TRIM44: variants seen among roughly 807,000 people sequenced by gnomAD.
TRIM44 encodes the protein tripartite motif-containing protein 44.
A neutral mutation model predicts 37.4 loss-of-function variants in TRIM44; 13 were observed. The ratio of observed to expected loss-of-function variants is 0.35; its 90% confidence interval spans 0.23 to 0.55. The LOEUF (loss-of-function observed/expected upper bound fraction) is 0.55. Ranked by LOEUF, TRIM44 falls within the 20% of genes least tolerant of loss-of-function variation. The pLI is 0.89. For missense variants in TRIM44, 426 were observed against 437.2 expected, an observed-to-expected ratio of 0.97 and a Z score of 0.23; for synonymous variants, 175 against 157.2, an observed-to-expected ratio of 1.11 and a Z score of -0.85.
intron 4 of TRIM44, among the ~76,000 whole-genome samples, chr11:35,800,286 G>T (rs1853348638): frequency 6.6e-6 from 1 of 152,194 alleles, no homozygotes; most frequent in African/African-American, 2.4e-5. Context: ...CGAGCAGCAA[G>T]ATTTATTATG....
intron 2 of TRIM44, among the ~76,000 whole-genome samples, chr11:35,691,657 A>G (rs548935872): frequency 1.3e-4 from 19 of 151,872 alleles, no homozygotes; most frequent in Non-Finnish European, 2.4e-4. Context: ...TTATTTGTCT[A>G]TTTTTGAGAC....
chr11:35,682,017 G>A (rs1851526094), intron 1 of TRIM44, among the ~76,000 whole-genome samples: 1 of 146,758 alleles, frequency 6.8e-6, no homozygotes, highest in Non-Finnish European at 1.5e-5. Context: ...GGAGTGCAGT[G>A]GAGTGATCTT....
intron 3 of TRIM44, 96 bp from the exon 4 acceptor site, chr11:35,735,330 C>A: frequency 1.8e-6 from 2 of 1,127,712 alleles, no homozygotes; most frequent in Non-Finnish European, 2.7e-6. Context: ...ATAGTCCATG[C>A]ATTCAGGTTG....
intron 2 of TRIM44, among the ~76,000 whole-genome samples, chr11:35,717,390 C>CT (rs985611877): frequency 3.3e-5 from 5 of 151,168 alleles, no homozygotes; most frequent in East Asian, 1.9e-4. Context: ...TTGTATGTTA[C>CT]TTTTTTTTTA....
intron 2 of TRIM44, among the ~76,000 whole-genome samples, chr11:35,699,936 A>G (rs1851761793): frequency 6.6e-6 from 1 of 152,170 alleles, no homozygotes; most frequent in Non-Finnish European, 1.5e-5. Flanking sequence ...ACCACTGCTC[A>G]GTGAAATAAA....
rs1289995369 is a variant in TRIM44 at position 35,808,433 on chromosome 11, G to C, written c.*2048G>C. 6.6e-6 allele frequency: 1 copy of C among 152,102 alleles called. No individual in the cohort carries two copies. Among genetic ancestry groups the C allele is most frequent in the African/African-American group, 2.4e-5 (1 of 41,420 alleles). 9.4% of individuals were successfully genotyped at this position (152,102 alleles called of 1,614,324 possible). A position where few individuals can be genotyped will look rare whatever the true frequency, so the allele number is the denominator to read the frequency against. ...AAAAGATTTTAGGATTTGGAAGCTT[G>C]TATTGTCTTTCCCCAATAATCATTG... On this transcript the variant is annotated 3_prime_UTR_variant, in exon 5 of 5. Transcript: ENST00000299413.
At position 35,692,881 on chromosome 11, in the gene TRIM44, C is replaced by A. The variant is rs186520206; in HGVS notation, c.747+7545C>A. On this transcript the variant is annotated intron_variant, in intron 2 of 4. Transcript: ENST00000299413. Reference sequence around the variant, plus strand: ...GAGCTTGCAGTGAGCCGAGATCATGCCACTGCACTCCAGCCTGGGCGACAG... The same window carrying A: ...GAGCTTGCAGTGAGCCGAGATCATGACACTGCACTCCAGCCTGGGCGACAG... 1.9e-3 allele frequency among the ~76,000 whole-genome samples: 281 copies of A among 151,814 alleles called. 2 individuals are homozygous for A. The highest frequency in any genetic ancestry group is 6.5e-3 in the African/African-American group (270 of 41,374).
intron 4 of TRIM44, among the ~76,000 whole-genome samples, chr11:35,753,832 G>A (rs1852588834): frequency 6.6e-6 from 1 of 151,738 alleles, no homozygotes; most frequent in South Asian, 2.1e-4. Context: ...GGGTTCAAGC[G>A]ATTCCCCTGC....
intron 4 of TRIM44, among the ~76,000 whole-genome samples, chr11:35,780,994 C>A (rs1307875434): frequency 6.6e-6 from 1 of 152,102 alleles, no homozygotes; most frequent in East Asian, 1.9e-4. Flanking sequence ...AACTAATAAA[C>A]CACTAAATGA....
Position 35,806,517 on chromosome 11 carries a change from C to A in TRIM44, c.*132C>A. The A allele has an allele frequency of 1.1e-6, 1 of 909,508 alleles. No individual in the cohort carries two copies. Among genetic ancestry groups the A allele is most frequent in the Non-Finnish European group, 1.8e-6 (1 of 556,744 alleles). The allele number at this position is 909,508 out of a possible 1,614,324, so 56.3% of individuals were successfully genotyped here. A position where few individuals can be genotyped will look rare whatever the true frequency, so the allele number is the denominator to read the frequency against. ...CTTCCACCAGATGTGTCCCCAGATC[C>A]ACAGCAGGCACATATCTCTCCAAGG... On this transcript the variant is annotated 3_prime_UTR_variant, in exon 5 of 5. Transcript: ENST00000299413.
At chr11:35,681,965 T>C (rs999492764) in intron 1 of TRIM44, among the ~76,000 whole-genome samples, 1 of 148,742 alleles carries the variant, frequency 6.7e-6, no homozygotes, top group Non-Finnish European at 1.5e-5. Flanking sequence ...TTTTTTTTTT[T>C]TTTTTTTTTT....
intron 1 of TRIM44, among the ~76,000 whole-genome samples, chr11:35,680,948 G>A (rs1851515612): frequency 1.3e-5 from 2 of 151,896 alleles, no homozygotes; most frequent in Admixed American, 6.5e-5. Flanking sequence ...GGAGATTTCT[G>A]TTGGGTTTAT....
At chr11:35,672,110 A>G (rs1241481665) in intron 1 of TRIM44, among the ~76,000 whole-genome samples, 3 of 152,218 alleles carry the variant, frequency 2.0e-5, no homozygotes, top group Non-Finnish European at 4.4e-5. Context: ...ATGAATTTTT[A>G]TGTTGAACAA....
chr11:35,733,265 C>G (rs1590552031), intron 3 of TRIM44, among the ~76,000 whole-genome samples: 1 of 152,018 alleles, frequency 6.6e-6, no homozygotes, highest in Non-Finnish European at 1.5e-5. Context: ...ACTGAGAAAC[C>G]CTGTCTCTTA....
chr11:35,775,586 G>A (rs61881282), intron 4 of TRIM44, among the ~76,000 whole-genome samples: 18,227 of 152,204 alleles, frequency 0.12, 1,417 homozygotes, highest in Non-Finnish European at 0.17. Flanking sequence ...TGCCCATTCA[G>A]TATGATATTG....
intron 4 of TRIM44, among the ~76,000 whole-genome samples, chr11:35,764,503 T>G (rs1168364948): frequency 6.6e-6 from 1 of 152,178 alleles, no homozygotes. Flanking sequence ...TGGGTCTCCA[T>G]TAGCAAAAGT....
At chr11:35,762,254 A>T (rs563507106) in intron 4 of TRIM44, among the ~76,000 whole-genome samples, 1 of 152,156 alleles carries the variant, frequency 6.6e-6, no homozygotes, top group African/African-American at 2.4e-5. Context: ...TTCTTTTTTT[A>T]AAACAATCTT....
At chr11:35,696,685 A>T (rs1851703606) in intron 2 of TRIM44, among the ~76,000 whole-genome samples, 1 of 151,750 alleles carries the variant, frequency 6.6e-6, no homozygotes, top group South Asian at 2.1e-4. Flanking sequence ...CATCTCTACT[A>T]AAAATACAAA....
At chr11:35,804,581 C>G (rs913922684) in intron 4 of TRIM44, among the ~76,000 whole-genome samples, 1 of 152,172 alleles carries the variant, frequency 6.6e-6, no homozygotes, top group African/African-American at 2.4e-5. Flanking sequence ...ACAATGAGAG[C>G]TTGCTTTGGA....
Sources: gnomAD v4.1 joint callset for allele counts (sites outside exome capture counted in the v4.1 genomes callset) on GRCh38, gnomAD v4.1.1 for gene constraint, MANE v1.5 for transcripts, NCBI Gene and HGNC (gene_info 2026-07-23, HGNC 2026-07-21) for gene names.